The following NARF variants were observed in gnomAD, a reference collection of about 807,000 sequenced individuals.
NARF encodes the protein iron-only hydrogenase-like protein 2.
In NARF, 41 loss-of-function variants were observed where a neutral mutation model predicts 48.0. The observed-to-expected ratio is 0.85, with a 90% CI of 0.66 to 1.11. The LOEUF is 1.11. NARF is among the 50% of genes least tolerant of loss of function. The probability of loss-of-function intolerance (pLI) is 0.00; values close to 1 mark genes in which losing one functional copy is unlikely to be tolerated. For synonymous variants in NARF, 215 were observed against 225.5 expected, an observed-to-expected ratio of 0.95 and a Z score of 0.42; for missense variants, 613 against 590.2, an observed-to-expected ratio of 1.04 and a Z score of -0.40.
At chr17:82,460,680 C>G (rs950251543) in intron 2 of NARF, 1 of 152,198 alleles carries the variant, frequency 6.6e-6, no homozygotes, top group Non-Finnish European at 1.5e-5. Flanking sequence ...AGGAGAAAGG[C>G]GTGAACCTGG....
Position 82,481,702 on chromosome 17 carries a change from C to T in NARF, c.769+491C>T, listed in dbSNP as rs1365249478. 7.3e-6 allele frequency: 3 copies of T among 408,478 alleles called. No individual in the cohort carries two copies. In the Admixed American group the frequency reaches 9.6e-5, roughly 13 times the overall value. The allele number at this position is 408,478 out of a possible 1,614,324, so 25.3% of individuals were successfully genotyped here. On this transcript the variant is annotated intron_variant, in intron 7 of 10. Coordinates refer to ENST00000309794, the MANE Select transcript of NARF (RefSeq NM_012336.4). ...CCGAGATCGCGCCATTACCCTCCAG[C>T]CTGGGCAACAAGAGTAAAACTTTGT...
At chr17:82,485,436 G>A (rs1196360903) in intron 9 of NARF, 61 bp from the exon 10 acceptor site, 5 of 1,385,618 alleles carry the variant, frequency 3.6e-6, no homozygotes, top group African/African-American at 1.5e-5. Flanking sequence ...AAAAAAGGAA[G>A]TGTTCTTAAG....
At chr17:82,471,454 C>CA (rs545400643) in intron 4 of NARF, among the ~76,000 whole-genome samples, 25,348 of 99,342 alleles carry the variant, frequency 0.26, 2,975 homozygotes, top group African/African-American at 0.36. Context: ...GACACTGTCT[C>CA]AAAAAAAAAA....
rs768067125 is a variant in NARF at position 82,488,180 on chromosome 17, T to G, written c.*23T>G. 2.5e-6 allele frequency: 4 copies of G among 1,607,840 alleles called. No homozygotes were observed. Among genetic ancestry groups the G allele is most frequent in the Non-Finnish European group, 2.6e-6 (3 of 1,175,720 alleles). On this transcript the variant is annotated 3_prime_UTR_variant, in exon 11 of 11. Coordinates refer to ENST00000309794, the MANE Select transcript of NARF (RefSeq NM_012336.4). ...TGAAGTCAGGCCAGGGCCTTCCAGCTGCTCTTGGGGCCAGAGCCAAGAGCC... is the reference window on the plus strand; with the variant it reads ...TGAAGTCAGGCCAGGGCCTTCCAGCGGCTCTTGGGGCCAGAGCCAAGAGCC...
chr17:82,466,733 G>A (rs1475397395), intron 3 of NARF, among the ~76,000 whole-genome samples: 3 of 151,044 alleles, frequency 2.0e-5, no homozygotes, highest in Non-Finnish European at 3.0e-5. Context: ...GATTACAGAC[G>A]TGAGCCACCA....
intron 6 of NARF, 50 bp downstream of exon 6, chr17:82,478,968 G>A (rs757209869): frequency 1.3e-6 from 2 of 1,547,726 alleles, no homozygotes; most frequent in South Asian, 1.2e-5. Flanking sequence ...GGAGGACCAT[G>A]GCACAGGGGC....
chr17:82,461,525 T>A (rs967042700), intron 2 of NARF, among the ~76,000 whole-genome samples: 3 of 152,186 alleles, frequency 2.0e-5, no homozygotes, highest in African/African-American at 7.2e-5. Flanking sequence ...GCAGGAGAAT[T>A]GCTTGAACCC....
chr17:82,478,847 C>A lies in NARF; in HGVS notation c.568C>A (p.His190Asn), dbSNP rs758188933. The A allele has an allele frequency of 2.5e-6, 4 of 1,614,058 alleles. No homozygotes were observed. Among genetic ancestry groups the A allele is most frequent in the East Asian group, 2.2e-5 (1 of 44,878 alleles). ...GGTGCTGGGTCGCCCCATCACTGCC[C>A]ACCTCTGCACCGCCAAGTCCCCCCA... Reference protein sequence around the residue: ...ERVLGRPITAHLCTAKSPQQV... With the variant: ...ERVLGRPITANLCTAKSPQQV... Residue 190 changes from histidine to asparagine, a missense_variant, in exon 6 of 11, where the codon CAC (histidine) becomes AAC (asparagine). Physicochemically the swap from His to Asn is moderately conservative, Grantham distance 68. Coordinates refer to ENST00000309794, the MANE Select transcript of NARF (RefSeq NM_012336.4).
Position 82,489,759 on chromosome 17 carries a change from C to T in NARF, c.*1602C>T, listed in dbSNP as rs2044166049. On this transcript the variant is annotated 3_prime_UTR_variant, in exon 11 of 11. Coordinates refer to ENST00000309794, the MANE Select transcript of NARF (RefSeq NM_012336.4). Reference sequence around the variant, plus strand: ...TGGCTCGTGCCCTATAATCCCAGCACACTGGGAGGCCAAGGTGGGAGGATT... The same window carrying T: ...TGGCTCGTGCCCTATAATCCCAGCATACTGGGAGGCCAAGGTGGGAGGATT... 1 of 152,212 alleles carries T rather than the reference C, an allele frequency of 6.6e-6. No individual in the cohort carries two copies. Among genetic ancestry groups the T allele is most frequent in the Admixed American group, 6.5e-5 (1 of 15,278 alleles). 9.4% of individuals were successfully genotyped at this position (152,212 alleles called of 1,614,324 possible).
rs1304171259 is a variant in NARF, at chr17:82,472,699, G to T, written c.520+1G>T. The stretch of plus-strand genomic sequence containing the variant: ...CCCATGCTGACCTCTGCCTGTCCTG[G>T]TGAGCCCCTGGACCCCCGCTCTGTT... On this transcript the variant is annotated splice_donor_variant, in intron 5 of 10. Transcript: ENST00000309794. LOFTEE classifies it high-confidence loss of function. 5.6e-6 allele frequency: 9 copies of T among 1,611,812 alleles called. No individual in the cohort carries two copies. Among genetic ancestry groups the T allele is most frequent in the Non-Finnish European group, 7.6e-6 (9 of 1,179,412 alleles).
At chr17:82,466,035 C>T (rs956466131) in intron 3 of NARF, among the ~76,000 whole-genome samples, 6 of 152,200 alleles carry the variant, frequency 3.9e-5, no homozygotes, top group African/African-American at 9.7e-5. Flanking sequence ...CAGCCAGGTT[C>T]GCCATGCATA....
At chr17:82,468,715 C>T (rs1183748811) in intron 3 of NARF, 49 bp from the exon 4 acceptor site, 1 of 1,593,560 alleles carries the variant, frequency 6.3e-7, no homozygotes, top group Non-Finnish European at 8.6e-7. Flanking sequence ...GTAACTTTTA[C>T]TCCTTGTGTA....
chr17:82,459,289 C>A, intron 1 of NARF: 2 of 608,410 alleles, frequency 3.3e-6, no homozygotes, highest in Non-Finnish European at 4.1e-6. Flanking sequence ...TGGCAACAAC[C>A]GCGCAGCGCA....
chr17:82,473,568 G>A (rs1362824603), intron 5 of NARF, among the ~76,000 whole-genome samples: 1 of 150,034 alleles, frequency 6.7e-6, no homozygotes, highest in Non-Finnish European at 1.5e-5. Flanking sequence ...AGTCAGGATG[G>A]TCTCGATCTC....
chr17:82,466,322 A>G (rs138907302), intron 3 of NARF, among the ~76,000 whole-genome samples: 74 of 151,846 alleles, frequency 4.9e-4, no homozygotes, highest in African/African-American at 1.7e-3. Flanking sequence ...TCTCATTTGC[A>G]TTTTCTTGCT....
intron 4 of NARF, among the ~76,000 whole-genome samples, chr17:82,469,103 C>T (rs2043638596): frequency 6.6e-6 from 1 of 152,180 alleles, no homozygotes; most frequent in Non-Finnish European, 1.5e-5. Context: ...CTTTGCTGTG[C>T]ACAGACAGGT....
At chr17:82,466,130 C>T (rs1403442678) in intron 3 of NARF, among the ~76,000 whole-genome samples, 1 of 152,162 alleles carries the variant, frequency 6.6e-6, no homozygotes, top group Non-Finnish European at 1.5e-5. Flanking sequence ...TTAGTGGATA[C>T]AGCTTTGCAG....
rs867781914 is a variant in NARF at position 82,458,790 on chromosome 17, C to T, written c.-14C>T. 4 of 1,463,122 alleles carry T rather than the reference C, an allele frequency of 2.7e-6. 1 individual carries two copies. The Middle Eastern group carries it at 7.9e-4, about 290-fold the overall frequency. The allele number at this position is 1,463,122 out of a possible 1,614,324, so 90.6% of individuals were successfully genotyped here. A position where few individuals can be genotyped will look rare whatever the true frequency, so the allele number is the denominator to read the frequency against. ...GAGGCTGAGGCGCCCGGCCTCCCGC[C>T]CGCCGCGCTCCAGATGAAGTGTGAG... On this transcript the variant is annotated 5_prime_UTR_variant, in exon 1 of 11. Coordinates refer to ENST00000309794, the MANE Select transcript of NARF (RefSeq NM_012336.4).
chr17:82,475,366 C>A (rs1029129146), intron 5 of NARF, among the ~76,000 whole-genome samples: 31 of 152,272 alleles, frequency 2.0e-4, no homozygotes, highest in African/African-American at 7.5e-4. Flanking sequence ...TTTGGGAGGC[C>A]GAGGTGGGCG....
Sources: gnomAD v4.1 joint callset for allele counts (sites outside exome capture counted in the v4.1 genomes callset) on GRCh38, gnomAD v4.1.1 for gene constraint, MANE v1.5 for transcripts, NCBI Gene and HGNC (gene_info 2026-07-23, HGNC 2026-07-21) for gene names.